The following H2AZ2 variants were observed in gnomAD, a reference collection of about 807,000 sequenced individuals.
H2AZ2 encodes H2A.Z variant histone 2.
Under a neutral mutation model 15.5 loss-of-function variants are expected in H2AZ2, and 5 were observed. The ratio of observed to expected loss-of-function variants is 0.32; its 90% CI spans 0.17 to 0.68. The LOEUF is 0.68. H2AZ2 is among the 30% of genes least tolerant of loss of function. The pLI is 0.72. For missense variants in H2AZ2, 42 were observed against 162.5 expected (o/e 0.26, Z 4.03); for synonymous variants, 44 against 57.4 (o/e 0.77, Z 1.05).
At chr7:44,841,444 T>C (rs886080507) in intron 2 of H2AZ2, among the ~76,000 whole-genome samples, 1 of 152,224 alleles carries the variant, frequency 6.6e-6, no homozygotes, top group African/African-American at 2.4e-5. Flanking sequence ...TGTGGTTCTT[T>C]CTACTTTCTG....
chr7:44,833,704 T>C lies in H2AZ2; in HGVS notation c.*797A>G, dbSNP rs1202360568. ...AAACCTTTGATAAACTGAACATCAA[T>C]TCCAGGTAAAACTAGGCTCTGGAGT... On this transcript the variant is annotated 3_prime_UTR_variant, in exon 5 of 5. Transcript: ENST00000308153. The C allele has an allele frequency of 3.0e-6, 3 of 985,220 alleles. No homozygotes were observed. In the East Asian group the frequency reaches 3.4e-4, roughly 112 times the overall value. 61.0% of individuals were successfully genotyped at this position (985,220 alleles called of 1,614,324 possible).
chr7:44,846,243 T>C (rs1430967825), intron 1 of H2AZ2, among the ~76,000 whole-genome samples: 1 of 152,186 alleles, frequency 6.6e-6, no homozygotes, highest in African/African-American at 2.4e-5. Flanking sequence ...TTTTAGCTTA[T>C]GTTAATACTT....
At chr7:44,830,458 C>G (rs1035297120), downstream of H2AZ2, among the ~76,000 whole-genome samples, 1 of 152,172 alleles carries the variant, frequency 6.6e-6, no homozygotes, top group Non-Finnish European at 1.5e-5. Context: ...TTACAACTCC[C>G]TATATAAATG....
At chr7:44,827,759 T>G (rs1017695889), downstream of H2AZ2, 1 of 151,942 alleles carries the variant, frequency 6.6e-6, no homozygotes, top group African/African-American at 2.4e-5. Flanking sequence ...ATTTAGGGAG[T>G]TGACCCCTTT....
At chr7:44,841,426 T>A (rs1562788224) in intron 2 of H2AZ2, among the ~76,000 whole-genome samples, 1 of 152,208 alleles carries the variant, frequency 6.6e-6, no homozygotes, top group Non-Finnish European at 1.5e-5. Context: ...TCAATACTAT[T>A]ATCTCATTGT....
rs533609594 is a variant in H2AZ2, at chr7:44,833,029, G to A, written c.*1472C>T. On this transcript the variant is annotated 3_prime_UTR_variant, in exon 5 of 5. Coordinates refer to ENST00000308153, the MANE Select transcript of H2AZ2 (RefSeq NM_012412.5). ...ATTGTACAAATTACTGTTATTGCATGACTAAGAGACTACTAAAAGTTGGGA... is the reference window on the plus strand; with the variant it reads ...ATTGTACAAATTACTGTTATTGCATAACTAAGAGACTACTAAAAGTTGGGA... 6.6e-6 allele frequency among the ~76,000 whole-genome samples: 1 copy of A among 152,036 alleles called. No individual in the cohort carries two copies. Among genetic ancestry groups the A allele is most frequent in the Non-Finnish European group, 1.5e-5 (1 of 68,002 alleles).
intron 1 of H2AZ2, among the ~76,000 whole-genome samples, chr7:44,845,933 T>C (rs907343789): frequency 1.3e-5 from 2 of 152,088 alleles, no homozygotes; most frequent in African/African-American, 2.4e-5. Flanking sequence ...CATTTTAATA[T>C]AATTGGTGCT....
intron 3 of H2AZ2, among the ~76,000 whole-genome samples, chr7:44,835,867 C>A (rs1793106387): frequency 6.6e-6 from 1 of 151,400 alleles, no homozygotes; most frequent in Non-Finnish European, 1.5e-5. Flanking sequence ...CAAACTTGAG[C>A]AAAAACCCAC....
Position 44,832,163 on chromosome 7 carries a change from C to T in H2AZ2, c.*2338G>A, listed in dbSNP as rs77679253. On this transcript the variant is annotated 3_prime_UTR_variant, in exon 5 of 5. Transcript: ENST00000308153. ...TATTAACAAAATGCAAGATCTAGAT[C>T]TTGCCTGGATCTTGACTCGAATAAA... 8.9e-4 allele frequency among the ~76,000 whole-genome samples: 135 copies of T among 152,150 alleles called. No homozygotes were observed. Among genetic ancestry groups the T allele is most frequent in the African/African-American group, 3.1e-3 (127 of 41,506 alleles).
intron 3 of H2AZ2, among the ~76,000 whole-genome samples, chr7:44,837,162 A>G (rs912411576): frequency 3.3e-5 from 5 of 152,020 alleles, no homozygotes; most frequent in African/African-American, 1.2e-4. Flanking sequence ...TTGGCCTCCC[A>G]AAGTGTTGGG....
chr7:44,840,505 T>TC (rs1793249253), intron 3 of H2AZ2, among the ~76,000 whole-genome samples: 1 of 151,798 alleles, frequency 6.6e-6, no homozygotes, highest in Admixed American at 6.6e-5. Context: ...ACGTGGTGGC[T>TC]CAAGCCTGTA....
intron 3 of H2AZ2, among the ~76,000 whole-genome samples, chr7:44,837,193 C>T (rs1049742443): frequency 3.3e-5 from 5 of 151,782 alleles, no homozygotes; most frequent in South Asian, 2.1e-4. Flanking sequence ...TGAACCACTA[C>T]GCCAGGCCAC....
downstream of H2AZ2, among the ~76,000 whole-genome samples, chr7:44,830,586 C>A (rs1459481490): frequency 6.6e-6 from 1 of 152,144 alleles, no homozygotes; most frequent in Non-Finnish European, 1.5e-5. Context: ...AAAGAAAAAT[C>A]CTTCTTCTCT....
intron 3 of H2AZ2, among the ~76,000 whole-genome samples, chr7:44,836,767 G>A (rs1454943517): frequency 2.0e-5 from 3 of 152,014 alleles, no homozygotes; most frequent in African/African-American, 7.2e-5. Context: ...GAGGCCGAGA[G>A]GGGTGGATCA....
At chr7:44,834,824 G>A (rs969187286) in intron 4 of H2AZ2, 4 of 271,270 alleles carry the variant, frequency 1.5e-5, no homozygotes, top group African/African-American at 5.0e-5. Flanking sequence ...TCACTTTGTC[G>A]CCAATGCTGG....
chr7:44,847,214 C>G (rs1793432525), intron 1 of H2AZ2, among the ~76,000 whole-genome samples: 1 of 152,142 alleles, frequency 6.6e-6, no homozygotes, highest in African/African-American at 2.4e-5. Flanking sequence ...TCCTTTAGCA[C>G]CTTCTCTTTT....
chr7:44,836,248 C>T (rs911567919), intron 3 of H2AZ2, among the ~76,000 whole-genome samples: 2 of 152,086 alleles, frequency 1.3e-5, no homozygotes, highest in African/African-American at 2.4e-5. Flanking sequence ...CAAGTGTGAG[C>T]CACCACGCCC....
chr7:44,831,353 C>G (rs1792996175), downstream of H2AZ2, among the ~76,000 whole-genome samples: 1 of 151,850 alleles, frequency 6.6e-6, no homozygotes, highest in African/African-American at 2.4e-5. Context: ...TGTTCTATTT[C>G]TATGTTTTTT....
intron 1 of H2AZ2, among the ~76,000 whole-genome samples, chr7:44,846,024 TAC>T (rs10573522): frequency 0.21 from 28,373 of 132,646 alleles, 2,883 homozygotes; most frequent in African/African-American, 0.25. Context: ...TTTAAAAAAT[TAC>T]ACACACACAC....
Sources: allele counts gnomAD v4.1 joint callset (sites outside exome capture counted in the v4.1 genomes callset), GRCh38; gene constraint gnomAD v4.1.1; transcripts MANE v1.5; gene names NCBI Gene and HGNC (gene_info 2026-07-23, HGNC 2026-07-21).